Variants in EARS2 observed in about 807,000 individuals in gnomAD.
The protein encoded by EARS2 is nondiscriminating glutamyl-tRNA synthetase EARS2, mitochondrial.
Under a neutral mutation model 54.1 loss-of-function variants are expected in EARS2, and 50 were observed. That is an observed-to-expected ratio of 0.92 (90% confidence interval 0.74 to 1.17). The LOEUF (loss-of-function observed/expected upper bound fraction) is 1.17. Ranked by LOEUF, EARS2 falls within the 50% of genes most tolerant of loss-of-function variation. The pLI, the probability that EARS2 is intolerant of heterozygous loss-of-function variation, is 0.00. For synonymous variants in EARS2, 298 were observed against 281.0 expected, an observed-to-expected ratio of 1.06 and a Z score of -0.61; for missense variants, 673 against 675.0, an observed-to-expected ratio of 1.00 and a Z score of 0.03.
rs1252084156 is a variant in EARS2, at chr16:23,532,700, G to A, written c.1024C>T (p.His342Tyr). 4.3e-6 allele frequency: 7 copies of A among 1,613,990 alleles called. No homozygotes were observed. The highest frequency in any genetic ancestry group is 5.9e-6 in the Non-Finnish European group (7 of 1,180,000). ...TQFNLTQVTC[H>Y]SALLDLEKLP... is the part of the protein sequence containing the mutation. ...TTCTCCAGGTCCAGCAGGGCTGAGT[G>A]ACAGGTGACCTGTGTCAGGTTGAAC... Residue 342 changes from histidine to tyrosine, a missense_variant, in exon 5 of 9, where the codon CAC (histidine) becomes TAC (tyrosine). Physicochemically the swap from His to Tyr is moderately conservative, Grantham distance 83. This residue lies in a region of EARS2 where 338 missense variants were observed against 361.2 expected (regional missense o/e 0.94). Transcript: ENST00000449606.
intron 5 of EARS2, among the ~76,000 whole-genome samples, chr16:23,531,043 C>T (rs1965318365): frequency 6.6e-6 from 1 of 151,348 alleles, no homozygotes; most frequent in African/African-American, 2.4e-5. Flanking sequence ...AGGCGCCCGC[C>T]ACGTCGGGCT....
At chr16:23,535,472 G>T in intron 3 of EARS2, 112 bp from the exon 4 acceptor site, 1 of 936,182 alleles carries the variant, frequency 1.1e-6, no homozygotes, top group Non-Finnish European at 1.6e-6. Flanking sequence ...GCTGCAAGCT[G>T]CTTCCTCAGT....
At chr16:23,533,795 C>T (rs933550246) in intron 4 of EARS2, among the ~76,000 whole-genome samples, 1 of 152,274 alleles carries the variant, frequency 6.6e-6, no homozygotes, top group Non-Finnish European at 1.5e-5. Context: ...GTGGCTCACG[C>T]CTGTAATCCC....
In EARS2 at chr16:23,543,865, G is replaced by A. The variant is rs913683750; in HGVS notation, c.485+649C>T. On this transcript the variant is annotated intron_variant, in intron 3 of 8. Coordinates refer to ENST00000449606, the MANE Select transcript of EARS2 (RefSeq NM_001083614.2). ...GTCAAAATAGTCAAAACTTTGTTTCGTGCACAAAATTATTTAAAATATTGC... is the reference window on the plus strand; with the variant it reads ...GTCAAAATAGTCAAAACTTTGTTTCATGCACAAAATTATTTAAAATATTGC... Among the ~76,000 whole-genome samples, 5 of 152,062 alleles carry A rather than the reference G, an allele frequency of 3.3e-5. No homozygotes were observed. In the South Asian group the frequency reaches 6.2e-4, roughly 19 times the overall value.
chr16:23,532,476 A>G, intron 5 of EARS2, 181 bp downstream of exon 5: 2 of 480,374 alleles, frequency 4.2e-6, no homozygotes, highest in Non-Finnish European at 7.5e-6. Context: ...ACAAGGATAT[A>G]AGATCAGTAC....
chr16:23,531,867 G>A (rs1031748369), intron 5 of EARS2, among the ~76,000 whole-genome samples: 2 of 152,172 alleles, frequency 1.3e-5, no homozygotes, highest in Non-Finnish European at 2.9e-5. Context: ...CCAGGTTGGA[G>A]TGCAGTGGTG....
intron 3 of EARS2, among the ~76,000 whole-genome samples, chr16:23,543,982 A>G (rs1311955288): frequency 6.6e-6 from 1 of 152,176 alleles, no homozygotes; most frequent in African/African-American, 2.4e-5. Context: ...AAGATATCTC[A>G]TTATATATAT....
intron 4 of EARS2, among the ~76,000 whole-genome samples, chr16:23,533,794 G>T (rs922217517): frequency 6.6e-6 from 1 of 152,122 alleles, no homozygotes; most frequent in Non-Finnish European, 1.5e-5. Flanking sequence ...GGTGGCTCAC[G>T]CCTGTAATCC....
At chr16:23,525,020 TTATG>T (rs1300903381) in intron 8 of EARS2, 2 of 617,764 alleles carry the variant, frequency 3.2e-6, no homozygotes, top group East Asian at 2.8e-5. Context: ...GAGGCAGAGA[TTATG>T]TATGTGTGTT....
chr16:23,527,550 C>A (rs201916279), intron 7 of EARS2, among the ~76,000 whole-genome samples: 3 of 84,484 alleles, frequency 3.6e-5, no homozygotes, highest in African/African-American at 1.3e-4. Context: ...AGTGATCGTT[C>A]TTTTTTTTTT....
chr16:23,550,588 C>T (rs921769028), intron 2 of EARS2, among the ~76,000 whole-genome samples: 11 of 152,002 alleles, frequency 7.2e-5, no homozygotes, highest in Non-Finnish European at 2.9e-5. Flanking sequence ...CAGGCACCCG[C>T]CACCACGCCT....
At chr16:23,554,794 G>A (rs1965749952) in intron 1 of EARS2, among the ~76,000 whole-genome samples, 1 of 152,194 alleles carries the variant, frequency 6.6e-6, no homozygotes. Flanking sequence ...TACCCCTTGA[G>A]AAGGAACTCT....
chr16:23,556,698 C>T, intron 1 of EARS2: 1 of 357,078 alleles, frequency 2.8e-6, no homozygotes, highest in Non-Finnish European at 5.5e-6. Context: ...TAGCGTGCTC[C>T]TTCTTGTCAT....
intron 3 of EARS2, among the ~76,000 whole-genome samples, chr16:23,536,539 G>A (rs1416641610): frequency 1.3e-5 from 2 of 152,056 alleles, no homozygotes; most frequent in African/African-American, 4.8e-5. Flanking sequence ...GTGCATTCCT[G>A]TAGTCCCAGC....
chr16:23,537,587 C>G (rs1260368901), intron 3 of EARS2: 3 of 152,114 alleles, frequency 2.0e-5, no homozygotes, highest in African/African-American at 7.2e-5. Flanking sequence ...TTTACTGAGA[C>G]AGGGGACAAG....
Position 23,535,121 on chromosome 16 carries a change from C to T in EARS2, c.725G>A (p.Ser242Asn). 1 of 1,612,190 alleles carries T rather than the reference C, an allele frequency of 6.2e-7. No homozygotes were observed. Among genetic ancestry groups the T allele is most frequent in the Non-Finnish European group, 8.5e-7 (1 of 1,179,462 alleles). Reference protein sequence around the residue: ...CVVDDHHMGISHVLRGSEWLV... With the variant: ...CVVDDHHMGINHVLRGSEWLV... ...CCACTCAGAGCCTCGCAGCACGTGG[C>T]TGATGCCCATGTGGTGGTCGTCCAC... Residue 242 changes from serine (S) to asparagine (N), a missense_variant, in exon 4 of 9, where the codon AGC (serine) becomes AAC (asparagine). Ser to Asn is a conservative substitution (Grantham distance 46). Coordinates refer to ENST00000449606, the MANE Select transcript of EARS2 (RefSeq NM_001083614.2).
chr16:23,529,826 A>T lies in EARS2; in HGVS notation c.1139T>A (p.Val380Glu). The stretch of plus-strand genomic sequence containing the variant: ...CAGCTGGCAACCAAAGGCCTCCTCC[A>T]CAAGGACCTGCAGCTTCCCCACCAG... ...RQLVGKLQVL[V>E]EEAFGCQLQN... The change falls in exon 6 of 9, where the codon GTG (valine) becomes GAG (glutamate). Residue 380 changes from valine (V) to glutamate (E), a missense_variant. Physicochemically the swap from Val to Glu is moderately radical, Grantham distance 121 (BLOSUM62 -2). This residue lies in a region of EARS2 where 338 missense variants were observed against 361.2 expected (regional missense o/e 0.94). Transcript: ENST00000449606. The T allele has an allele frequency of 6.2e-7, 1 of 1,614,136 alleles. No homozygotes were observed. The highest frequency in any genetic ancestry group is 8.5e-7 in the Non-Finnish European group (1 of 1,180,020).
chr16:23,523,557 T>G lies in EARS2; in HGVS notation c.*814A>C, dbSNP rs1965174992. Reference sequence around the variant, plus strand: ...TCTCCTTTTACAACCCCAAAGAAAGTCTGGTGTCCAGTTCAGCCCTGCTTG... The same window carrying G: ...TCTCCTTTTACAACCCCAAAGAAAGGCTGGTGTCCAGTTCAGCCCTGCTTG... On this transcript the variant is annotated 3_prime_UTR_variant, in exon 9 of 9. Transcript: ENST00000449606. 1 of 152,250 alleles carries G rather than the reference T, an allele frequency of 6.6e-6. No individual in the cohort carries two copies. Among genetic ancestry groups the G allele is most frequent in the African/African-American group, 2.4e-5 (1 of 41,428 alleles). The allele number at this position is 152,250 out of a possible 1,614,324, so 9.4% of individuals were successfully genotyped here. A position where few individuals can be genotyped will look rare whatever the true frequency, so the allele number is the denominator to read the frequency against.
At chr16:23,549,883 T>C (rs1308703816) in intron 2 of EARS2, among the ~76,000 whole-genome samples, 5 of 152,116 alleles carry the variant, frequency 3.3e-5, no homozygotes, top group Non-Finnish European at 5.9e-5. Context: ...TGGCTATTCT[T>C]TTTGCTTTGA....
Sources: allele counts gnomAD v4.1 joint callset (sites outside exome capture counted in the v4.1 genomes callset), GRCh38; gene constraint gnomAD v4.1.1; regional missense constraint gnomAD v4.1.1; transcripts MANE v1.5; gene names NCBI Gene and HGNC (gene_info 2026-07-23, HGNC 2026-07-21).